The following MAML2 variants were observed in gnomAD, a reference collection of about 807,000 sequenced individuals.
MAML2 encodes the protein mastermind-like protein 2.
A neutral mutation model predicts 96.1 loss-of-function variants in MAML2; 22 were observed. The observed-to-expected ratio is 0.23, with a 90% CI of 0.16 to 0.33. MAML2 has a LOEUF of 0.33. Ranked by LOEUF, MAML2 falls within the 10% of genes least tolerant of loss-of-function variation. MAML2 has a pLI of 1.00. For synonymous variants in MAML2, 561 were observed against 521.3 expected, an observed-to-expected ratio of 1.08 and a Z score of -1.04; for missense variants, 1,367 against 1,392.4, an observed-to-expected ratio of 0.98 and a Z score of 0.29.
chr11:96,130,645 A>G lies in MAML2; in HGVS notation c.514-37128T>C, dbSNP rs1860532229. 2.0e-5 allele frequency among the ~76,000 whole-genome samples: 3 copies of G among 152,210 alleles called. No homozygotes were observed. The South Asian group carries it at 6.2e-4, about 31-fold the overall frequency. On this transcript the variant is annotated intron_variant, in intron 1 of 4. Transcript: ENST00000524717. ...ACTCAAGGCTTGAGATTTCTTTACAAGGAAAAAAATTTAAGATTTTAAAAT... is the reference window on the plus strand; with the variant it reads ...ACTCAAGGCTTGAGATTTCTTTACAGGGAAAAAAATTTAAGATTTTAAAAT...
At chr11:96,157,248 C>A (rs781046899) in intron 1 of MAML2, among the ~76,000 whole-genome samples, 32 of 152,324 alleles carry the variant, frequency 2.1e-4, no homozygotes, top group South Asian at 2.1e-4. Flanking sequence ...GGAAGTGACA[C>A]CTGGTAGGAG....
In MAML2 at chr11:96,088,443, C is replaced by T. The variant is rs146719429; in HGVS notation, c.2139+3449G>A. Among the ~76,000 whole-genome samples, 3 of 152,228 alleles carry T rather than the reference C, an allele frequency of 2.0e-5. No homozygotes were observed. The East Asian group carries it at 5.8e-4, about 29-fold the overall frequency. On this transcript the variant is annotated intron_variant, in intron 2 of 4. Coordinates refer to ENST00000524717, the MANE Select transcript of MAML2 (RefSeq NM_032427.4). Reference sequence around the variant, plus strand: ...ACTTTTGGCTTAAACCCTCATGAGCCCTGATCAGCCAATAACTCTTTCACA... The same window carrying T: ...ACTTTTGGCTTAAACCCTCATGAGCTCTGATCAGCCAATAACTCTTTCACA...
intron 1 of MAML2, among the ~76,000 whole-genome samples, chr11:96,226,363 T>G (rs1415292155): frequency 1.3e-5 from 2 of 152,206 alleles, no homozygotes; most frequent in African/African-American, 4.8e-5. Context: ...TAGAATTCTA[T>G]GCAATGGCCT....
chr11:96,019,322 G>A (rs1267140922), intron 2 of MAML2, among the ~76,000 whole-genome samples: 2 of 152,058 alleles, frequency 1.3e-5, no homozygotes, highest in African/African-American at 4.8e-5. Flanking sequence ...AGTTATAATA[G>A]TGCCAGTGAT....
At chr11:96,300,213 G>A (rs1863367310) in intron 1 of MAML2, among the ~76,000 whole-genome samples, 1 of 152,172 alleles carries the variant, frequency 6.6e-6, no homozygotes, top group Non-Finnish European at 1.5e-5. Flanking sequence ...TTATGTGAAT[G>A]CTAATGAAAC....
At chr11:96,027,091 T>C (rs888649588) in intron 2 of MAML2, among the ~76,000 whole-genome samples, 5 of 152,118 alleles carry the variant, frequency 3.3e-5, no homozygotes, top group Non-Finnish European at 5.9e-5. Context: ...CTAGCTAAGG[T>C]GACAATGCCC....
intron 1 of MAML2, among the ~76,000 whole-genome samples, chr11:96,173,280 G>T (rs1861328803): frequency 6.6e-6 from 1 of 152,116 alleles, no homozygotes; most frequent in Non-Finnish European, 1.5e-5. Flanking sequence ...TACCATGACA[G>T]GAAGCAAGAA....
chr11:96,068,492 A>G (rs913741496), intron 2 of MAML2, among the ~76,000 whole-genome samples: 3 of 145,428 alleles, frequency 2.1e-5, no homozygotes, highest in Non-Finnish European at 4.6e-5. Context: ...GGAGGGAGGG[A>G]GAGAGAGAGA....
At chr11:96,228,600 A>G (rs1214028332) in intron 1 of MAML2, among the ~76,000 whole-genome samples, 1 of 152,226 alleles carries the variant, frequency 6.6e-6, no homozygotes, top group Non-Finnish European at 1.5e-5. Flanking sequence ...GGGACATTTT[A>G]CTTTTGAGAA....
intron 2 of MAML2, among the ~76,000 whole-genome samples, chr11:96,035,285 G>A (rs1362349899): frequency 1.3e-5 from 2 of 152,204 alleles, no homozygotes. Flanking sequence ...GCTATGCGAA[G>A]CCAACCATAA....
chr11:96,218,579 T>C (rs919809799), intron 1 of MAML2, among the ~76,000 whole-genome samples: 4 of 152,226 alleles, frequency 2.6e-5, no homozygotes, highest in South Asian at 2.1e-4. Context: ...TCCTGCCCCA[T>C]TGGTCTCATT....
chr11:96,188,043 T>A (rs545335971), intron 1 of MAML2, among the ~76,000 whole-genome samples: 1 of 152,306 alleles, frequency 6.6e-6, no homozygotes, highest in Non-Finnish European at 1.5e-5. Flanking sequence ...GACTTGGCAA[T>A]GAAATCTCAG....
intron 1 of MAML2, among the ~76,000 whole-genome samples, chr11:96,232,443 TGTGG>T (rs1327112885): frequency 6.6e-6 from 1 of 150,880 alleles, no homozygotes; most frequent in Non-Finnish European, 1.5e-5. Flanking sequence ...CTGGGTAGGA[TGTGG>T]GTGGGTGGAA....
intron 2 of MAML2, among the ~76,000 whole-genome samples, chr11:96,076,407 G>T (rs189995271): frequency 1.3e-5 from 2 of 148,444 alleles, no homozygotes; most frequent in East Asian, 3.9e-4. Context: ...GGGCAAGGCT[G>T]CTCTCTTTTG....
intron 1 of MAML2, among the ~76,000 whole-genome samples, chr11:96,217,704 A>T (rs1258525376): frequency 1.3e-5 from 2 of 152,190 alleles, no homozygotes; most frequent in African/African-American, 4.8e-5. Flanking sequence ...CATTACCCTG[A>T]TGGAGTGAAC....
chr11:96,161,728 G>T (rs1463101787), intron 1 of MAML2, among the ~76,000 whole-genome samples: 2 of 152,166 alleles, frequency 1.3e-5, no homozygotes, highest in African/African-American at 2.4e-5. Context: ...GTTCGTATGC[G>T]ACTCCACCGT....
intron 1 of MAML2, among the ~76,000 whole-genome samples, chr11:96,140,686 G>C (rs1860716063): frequency 6.6e-6 from 1 of 151,840 alleles, no homozygotes; most frequent in African/African-American, 2.4e-5. Flanking sequence ...AGTTCCCAAA[G>C]GACCTTCCAC....
chr11:96,048,993 C>T (rs1439216783), intron 2 of MAML2, among the ~76,000 whole-genome samples: 1 of 152,180 alleles, frequency 6.6e-6, no homozygotes, highest in Non-Finnish European at 1.5e-5. Context: ...GCAGACAAAA[C>T]ATGTAGCTGA....
chr11:96,189,084 T>C (rs77295014), intron 1 of MAML2, among the ~76,000 whole-genome samples: 11,393 of 151,324 alleles, frequency 0.075, 517 homozygotes, highest in Non-Finnish European at 0.099. Context: ...TTTTTTTCTA[T>C]ATCTGGTTCC....
Sources: allele counts gnomAD v4.1 joint callset (sites outside exome capture counted in the v4.1 genomes callset), GRCh38; gene constraint gnomAD v4.1.1; transcripts MANE v1.5; gene names NCBI Gene and HGNC (gene_info 2026-07-23, HGNC 2026-07-21).